VEGFC: variants seen among roughly 807,000 people sequenced by gnomAD.
VEGFC encodes vascular endothelial growth factor C.
A neutral mutation model predicts 46.1 loss-of-function variants in VEGFC; 12 were observed. The observed-to-expected ratio is 0.26, with a 90% CI of 0.17 to 0.42. VEGFC has a LOEUF of 0.42. Ranked by LOEUF, VEGFC falls within the 10% of genes least tolerant of loss-of-function variation. The pLI, the probability that VEGFC is intolerant of heterozygous loss-of-function variation, is 1.00. For missense variants in VEGFC, 488 were observed against 529.4 expected (o/e 0.92, Z 0.77); for synonymous variants, 232 against 195.5 (o/e 1.19, Z -1.56).
At chr4:176,702,482 C>T (rs1197636845) in intron 4 of VEGFC, among the ~76,000 whole-genome samples, 1 of 152,074 alleles carries the variant, frequency 6.6e-6, no homozygotes, top group African/African-American at 2.4e-5. Context: ...GTCAATCATT[C>T]CTCTACCCAG....
chr4:176,790,080 A>T (rs1460902966), intron 1 of VEGFC, among the ~76,000 whole-genome samples: 1 of 152,210 alleles, frequency 6.6e-6, no homozygotes. Context: ...AGGGAGAGAC[A>T]TAGAGTCTTC....
At chr4:176,704,847 G>A (rs146065286) in intron 4 of VEGFC, among the ~76,000 whole-genome samples, 1 of 152,224 alleles carries the variant, frequency 6.6e-6, no homozygotes, top group African/African-American at 2.4e-5. Context: ...CTCTACTGTA[G>A]CCATGTCTCC....
At chr4:176,788,120 T>C (rs570191827) in intron 1 of VEGFC, among the ~76,000 whole-genome samples, 1 of 152,302 alleles carries the variant, frequency 6.6e-6, no homozygotes, top group Admixed American at 6.5e-5. Flanking sequence ...TTGGCAGAGG[T>C]AAAATCACAA....
At chr4:176,787,365 G>A (rs1262425549) in intron 1 of VEGFC, among the ~76,000 whole-genome samples, 28 of 147,848 alleles carry the variant, frequency 1.9e-4, no homozygotes, top group African/African-American at 6.0e-4. Context: ...GCTGAGGCAC[G>A]AGAATCGCTT....
intron 4 of VEGFC, among the ~76,000 whole-genome samples, chr4:176,692,775 G>C (rs1158715884): frequency 6.8e-6 from 1 of 147,740 alleles, no homozygotes; most frequent in Non-Finnish European, 1.5e-5. Flanking sequence ...CGCAGCTGGA[G>C]ATCTGAGAAC....
At chr4:176,766,065 T>C (rs889503986) in intron 1 of VEGFC, among the ~76,000 whole-genome samples, 1 of 151,838 alleles carries the variant, frequency 6.6e-6, no homozygotes. Flanking sequence ...GCTTCCAAAA[T>C]GTCTCATACC....
intron 2 of VEGFC, 102 bp from the exon 3 acceptor site, chr4:176,728,070 T>C: frequency 1.0e-6 from 1 of 958,712 alleles, no homozygotes; most frequent in South Asian, 2.0e-5. Flanking sequence ...GATTTTAACA[T>C]TTAAGTTCAA....
chr4:176,777,758 A>T (rs1466200740), intron 1 of VEGFC, among the ~76,000 whole-genome samples: 1 of 151,288 alleles, frequency 6.6e-6, no homozygotes, highest in East Asian at 1.9e-4. Flanking sequence ...TCTCTATTAA[A>T]AATACAAAAA....
chr4:176,750,064 GA>G (rs2110893155), intron 1 of VEGFC, among the ~76,000 whole-genome samples: 1 of 151,712 alleles, frequency 6.6e-6, no homozygotes, highest in Admixed American at 6.6e-5. Flanking sequence ...AAGAACTAGA[GA>G]TTTTTTTTAT....
chr4:176,686,037 A>C (rs1734036394), intron 6 of VEGFC, among the ~76,000 whole-genome samples: 1 of 152,210 alleles, frequency 6.6e-6, no homozygotes, highest in Non-Finnish European at 1.5e-5. Flanking sequence ...TTCTGTTAAA[A>C]AGAACATTAT....
intron 1 of VEGFC, among the ~76,000 whole-genome samples, chr4:176,745,236 A>C (rs1735241346): frequency 6.6e-6 from 1 of 152,120 alleles, no homozygotes; most frequent in South Asian, 2.1e-4. Flanking sequence ...TGGTGCTACC[A>C]TCACTATATC....
chr4:176,777,838 G>C (rs766345625), intron 1 of VEGFC, among the ~76,000 whole-genome samples: 12 of 131,450 alleles, frequency 9.1e-5, no homozygotes, highest in Non-Finnish European at 1.9e-4. Context: ...AGAATGGCAT[G>C]AACCCAGGAG....
intron 1 of VEGFC, among the ~76,000 whole-genome samples, chr4:176,750,621 T>C (rs1365673276): frequency 2.6e-5 from 4 of 151,740 alleles, no homozygotes. Flanking sequence ...GAAGCAGGAA[T>C]TTAGTAAAAT....
Position 176,729,654 on chromosome 4 carries a change from C to T in VEGFC, c.240G>A (p.Met80Ile), listed in dbSNP as rs1255751012. The stretch of plus-strand genomic sequence containing the variant: ...CTCCTTTCCTTAGCTGACACTTGTA[C>T]ATTTTCCAATATTCTGGGTAGAGTA... ...MTVLYPEYWK[M>I]YKCQLRKGGW... The change falls in exon 2 of 7, where the codon ATG (methionine) becomes ATA (isoleucine). Residue 80 changes from methionine (M) to isoleucine (I), a missense_variant. By Grantham distance (10) the Met-to-Ile change is conservative (BLOSUM62 1). Coordinates refer to ENST00000618562, the MANE Select transcript of VEGFC (RefSeq NM_005429.5). The T allele has an allele frequency of 1.9e-6, 3 of 1,613,728 alleles. No homozygotes were observed. The highest frequency in any genetic ancestry group is 2.7e-5 in the African/African-American group (2 of 74,900).
intron 4 of VEGFC, 54 bp from the exon 5 acceptor site, chr4:176,687,981 A>G: frequency 2.0e-6 from 2 of 981,598 alleles, no homozygotes; most frequent in African/African-American, 3.3e-5. Flanking sequence ...CCTAGAAGGG[A>G]CCATCTCTGC....
chr4:176,764,100 C>T (rs945124368), intron 1 of VEGFC, among the ~76,000 whole-genome samples: 2 of 151,890 alleles, frequency 1.3e-5, no homozygotes, highest in Non-Finnish European at 2.9e-5. Context: ...TGAGATGAAA[C>T]GAAAAGCAAC....
intron 1 of VEGFC, among the ~76,000 whole-genome samples, chr4:176,766,348 G>A (rs1319465420): frequency 1.3e-5 from 2 of 152,120 alleles, no homozygotes; most frequent in Non-Finnish European, 2.9e-5. Context: ...CACTTTCAGA[G>A]GCTGATGCAG....
chr4:176,774,459 T>C lies in VEGFC; in HGVS notation c.147+17706A>G, dbSNP rs74839875. 2.6e-3 allele frequency among the ~76,000 whole-genome samples: 390 copies of C among 152,324 alleles called. 2 individuals are homozygous for C. The highest frequency in any genetic ancestry group is 4.8e-3 in the Non-Finnish European group (324 of 68,026). On this transcript the variant is annotated intron_variant, in intron 1 of 6. Transcript: ENST00000618562. ...TCACTCAGCCACTATTATTTCGTTATGCTAATTACACAGTCTATGTGTTTG... is the reference window on the plus strand; with the variant it reads ...TCACTCAGCCACTATTATTTCGTTACGCTAATTACACAGTCTATGTGTTTG...
At chr4:176,691,062 A>G (rs1905872) in intron 4 of VEGFC, among the ~76,000 whole-genome samples, 12,173 of 152,222 alleles carry the variant, frequency 0.08, 1,584 homozygotes, top group African/African-American at 0.28. Flanking sequence ...TCCTAAAGAA[A>G]GCACCGTGCT....
Sources: gnomAD v4.1 joint callset for allele counts (sites outside exome capture counted in the v4.1 genomes callset) on GRCh38, gnomAD v4.1.1 for gene constraint, MANE v1.5 for transcripts, NCBI Gene and HGNC (gene_info 2026-07-23, HGNC 2026-07-21) for gene names.